GFRA1: variants seen among roughly 807,000 people sequenced by gnomAD.
The protein encoded by GFRA1 is GDNF family receptor alpha 1, also known as GDNF family receptor alpha-1.
A neutral mutation model predicts 51.6 loss-of-function variants in GFRA1; 16 were observed. The observed-to-expected ratio is 0.31, with a 90% CI of 0.21 to 0.47. The LOEUF (loss-of-function observed/expected upper bound fraction) is 0.47. Ranked by LOEUF, GFRA1 falls within the 20% of genes least tolerant of loss-of-function variation. The probability of loss-of-function intolerance (pLI) is 1.00; values close to 1 mark genes in which losing one functional copy is unlikely to be tolerated. For synonymous variants in GFRA1, 270 were observed against 241.3 expected (o/e 1.12, Z -1.10); for missense variants, 530 against 594.3 (o/e 0.89, Z 1.13).
upstream of GFRA1, among the ~76,000 whole-genome samples, chr10:116,274,581 C>G (rs1468134376): frequency 6.6e-6 from 1 of 152,248 alleles, no homozygotes; most frequent in South Asian, 2.1e-4. Flanking sequence ...TGCTTGCAGG[C>G]GGGCTGCATA....
intron 4 of GFRA1, among the ~76,000 whole-genome samples, chr10:116,253,777 T>G (rs964839414): frequency 1.3e-5 from 2 of 152,186 alleles, no homozygotes; most frequent in Non-Finnish European, 2.9e-5. Context: ...TAGCTGAGGA[T>G]CCATCTTGCA....
chr10:116,245,301 G>A (rs1967773860), intron 4 of GFRA1, among the ~76,000 whole-genome samples: 1 of 152,102 alleles, frequency 6.6e-6, no homozygotes, highest in African/African-American at 2.4e-5. Flanking sequence ...TACACAGATG[G>A]CAAATAAGCA....
intron 5 of GFRA1, among the ~76,000 whole-genome samples, chr10:116,157,047 C>T (rs923764121): frequency 1.3e-5 from 2 of 152,202 alleles, no homozygotes; most frequent in Admixed American, 6.5e-5. Flanking sequence ...AGCTGCAACC[C>T]GCATTGCTCT....
chr10:116,251,099 G>A (rs1206869140), intron 4 of GFRA1, among the ~76,000 whole-genome samples: 1 of 152,138 alleles, frequency 6.6e-6, no homozygotes, highest in Non-Finnish European at 1.5e-5. Context: ...TATCATATTG[G>A]TCAGTTTTCT....
At chr10:116,077,903 C>T (rs894223406) in intron 9 of GFRA1, among the ~76,000 whole-genome samples, 3 of 152,186 alleles carry the variant, frequency 2.0e-5, no homozygotes, top group African/African-American at 7.2e-5. Context: ...ACAAGCGACA[C>T]TTAGTAGGGC....
chr10:116,217,218 C>G (rs1024946176), intron 4 of GFRA1, among the ~76,000 whole-genome samples: 3 of 152,124 alleles, frequency 2.0e-5, no homozygotes, highest in Non-Finnish European at 4.4e-5. Context: ...TTATGGCCAC[C>G]GGATCTCAAT....
At chr10:116,215,752 A>T (rs1205501215) in intron 4 of GFRA1, among the ~76,000 whole-genome samples, 1 of 152,168 alleles carries the variant, frequency 6.6e-6, no homozygotes, top group African/African-American at 2.4e-5. Context: ...GGCACCAGAG[A>T]CACTTGTAAA....
chr10:116,099,108 T>C (rs998075666), intron 6 of GFRA1, among the ~76,000 whole-genome samples: 1 of 152,212 alleles, frequency 6.6e-6, no homozygotes, highest in South Asian at 2.1e-4. Flanking sequence ...ACTCACATTA[T>C]AGGATTCACA....
chr10:116,090,729 G>GTT (rs370976039), intron 8 of GFRA1, among the ~76,000 whole-genome samples: 5 of 151,120 alleles, frequency 3.3e-5, no homozygotes, highest in African/African-American at 7.3e-5. Flanking sequence ...TGGATTTAGG[G>GTT]TTTTTTTTTA....
At chr10:116,211,586 A>T (rs1205773647) in intron 5 of GFRA1, 45 bp downstream of exon 5, 1 of 1,525,306 alleles carries the variant, frequency 6.6e-7, no homozygotes, top group Non-Finnish European at 8.9e-7. Context: ...ATGTTCCCCA[A>T]AGAGCACAGC....
At chr10:116,146,138 G>A (rs950559375) in intron 5 of GFRA1, among the ~76,000 whole-genome samples, 28 of 151,858 alleles carry the variant, frequency 1.8e-4, no homozygotes, top group African/African-American at 6.5e-4. Flanking sequence ...TCATACATAC[G>A]AAGGTATTAA....
chr10:116,110,119 G>T (rs1447385808), intron 6 of GFRA1, among the ~76,000 whole-genome samples: 1 of 152,210 alleles, frequency 6.6e-6, no homozygotes, highest in African/African-American at 2.4e-5. Flanking sequence ...CCCAAGAGGG[G>T]TCAAGTGCAG....
chr10:116,184,726 G>T (rs1589853083), intron 5 of GFRA1, among the ~76,000 whole-genome samples: 1 of 152,214 alleles, frequency 6.6e-6, no homozygotes, highest in African/African-American at 2.4e-5. Flanking sequence ...TCTCTGCCTG[G>T]ACATAAGGCT....
chr10:116,096,395 G>A (rs1368762416), intron 7 of GFRA1, among the ~76,000 whole-genome samples: 4 of 151,964 alleles, frequency 2.6e-5, no homozygotes, highest in African/African-American at 7.3e-5. Flanking sequence ...CGCCTTACCC[G>A]TCTGCGCACT....
chr10:116,086,558 T>TA (rs1956108506), intron 9 of GFRA1, among the ~76,000 whole-genome samples: 1 of 152,166 alleles, frequency 6.6e-6, no homozygotes, highest in South Asian at 2.1e-4. Context: ...CCTTATCCCT[T>TA]ATTCCCTGCC....
At position 116,059,566 on chromosome 10, in the gene GFRA1, T is replaced by A. The variant is rs1954701084; in HGVS notation, c.*4832A>T. The stretch of plus-strand genomic sequence containing the variant: ...CTTAGGGGGCTGAGACCTCAACGAC[T>A]ATTAGCAGGCTGTGGTTCTCTGCAG... On this transcript the variant is annotated 3_prime_UTR_variant, in exon 11 of 11. Coordinates refer to ENST00000355422, the MANE Select transcript of GFRA1 (RefSeq NM_005264.8). 1 of 152,292 alleles carries A rather than the reference T, an allele frequency of 6.6e-6. No individual in the cohort carries two copies. Among genetic ancestry groups the A allele is most frequent in the African/African-American group, 2.4e-5 (1 of 41,462 alleles). 9.4% of individuals were successfully genotyped at this position (152,292 alleles called of 1,614,324 possible).
intron 5 of GFRA1, among the ~76,000 whole-genome samples, chr10:116,170,063 A>C (rs1960879307): frequency 6.6e-6 from 1 of 152,204 alleles, no homozygotes. Flanking sequence ...ACGTGGAAGC[A>C]GCTGAGCAAA....
At chr10:116,152,742 T>C (rs1959113097) in intron 5 of GFRA1, among the ~76,000 whole-genome samples, 1 of 152,224 alleles carries the variant, frequency 6.6e-6, no homozygotes, top group African/African-American at 2.4e-5. Context: ...AGGAAGTGTC[T>C]TTTGTTTTGA....
intron 6 of GFRA1, among the ~76,000 whole-genome samples, chr10:116,114,521 G>A (rs1371381877): frequency 1.3e-5 from 2 of 152,138 alleles, no homozygotes; most frequent in African/African-American, 4.8e-5. Context: ...GAGAAGTGTA[G>A]AGTAATGGGA....
Sources: gnomAD v4.1 joint callset for allele counts (sites outside exome capture counted in the v4.1 genomes callset) on GRCh38, gnomAD v4.1.1 for gene constraint, MANE v1.5 for transcripts, NCBI Gene and HGNC (gene_info 2026-07-23, HGNC 2026-07-21) for gene names.